FAAH2: variants seen among roughly 807,000 people sequenced by gnomAD.
FAAH2 encodes the protein fatty acid amide hydrolase 2, also known as fatty-acid amide hydrolase 2.
Under a neutral mutation model 36.9 loss-of-function variants are expected in FAAH2, and 60 were observed. The observed-to-expected ratio is 1.63, with a 90% confidence interval of 1.32 to 2.02. The LOEUF is 2.02. Ranked by LOEUF, FAAH2 falls within the 30% of genes most tolerant of loss-of-function variation. FAAH2 has a pLI of 0.00. For missense variants in FAAH2, 689 were observed against 397.5 expected (o/e 1.73, Z -6.23); for synonymous variants, 214 against 143.8 (o/e 1.49, Z -3.49).
At chrX:57,258,707 G>T in the FAAH2 span, among the ~76,000 whole-genome samples, 4 of 86,214 alleles carry the variant, frequency 4.6e-5, no homozygotes, top group African/African-American at 1.7e-4. Flanking sequence ...TTTTTTTGTT[G>T]CCTTTTTTTT....
chrX:57,224,590 C>T, the FAAH2 span, among the ~76,000 whole-genome samples: 1 of 111,745 alleles, frequency 8.9e-6, no homozygotes, highest in East Asian at 2.8e-4. Context: ...TGAAAAGGGC[C>T]GGCCAGAAGA....
chrX:57,255,223 C>A, the FAAH2 span, among the ~76,000 whole-genome samples: 26 of 111,344 alleles, frequency 2.3e-4, no homozygotes, highest in African/African-American at 8.2e-4. Context: ...AAGACTAAAC[C>A]AGGAAAAAGT....
chrX:57,323,383 G>A lies in FAAH2; in HGVS notation c.413-8215G>A, dbSNP rs184873440. Among the ~76,000 whole-genome samples the A allele has an allele frequency of 6.7e-3, 742 of 111,522 alleles. 6 individuals carry two copies. The highest frequency in any genetic ancestry group is 0.014 in the Middle Eastern group (3 of 218). On this transcript the variant is annotated intron_variant, in intron 3 of 10. Coordinates refer to ENST00000374900, the MANE Select transcript of FAAH2 (RefSeq NM_174912.4). ...ATGGCTGGGTCAAATGGTATTTCTA[G>A]TTCTAGATCCCTGAGGAATCACCAC...
chrX:57,328,342 A>G (rs907827055), intron 3 of FAAH2, among the ~76,000 whole-genome samples: 6 of 111,754 alleles, frequency 5.4e-5, no homozygotes, highest in African/African-American at 2.0e-4. Context: ...GCGTGCTGGG[A>G]GAACCACTAT....
chrX:57,422,023 G>T (rs936668953), intron 7 of FAAH2, among the ~76,000 whole-genome samples: 3 of 111,420 alleles, frequency 2.7e-5, no homozygotes, highest in African/African-American at 9.8e-5. Context: ...ATATTGTATT[G>T]CTTGCTTTGT....
chrX:57,144,904 G>A, the FAAH2 span, among the ~76,000 whole-genome samples: 1 of 92,285 alleles, frequency 1.1e-5, no homozygotes, highest in African/African-American at 4.9e-5. Context: ...ATATATGTAT[G>A]TATATGTATG....
intron 3 of FAAH2, among the ~76,000 whole-genome samples, chrX:57,315,585 G>T (rs749634267): frequency 1.9e-4 from 21 of 111,611 alleles, no homozygotes; most frequent in African/African-American, 6.5e-4. Context: ...ATTATTCCTG[G>T]GATGCAAGAT....
chrX:57,138,692 A>T, the FAAH2 span, among the ~76,000 whole-genome samples: 1 of 111,503 alleles, frequency 9.0e-6, no homozygotes, highest in Admixed American at 9.6e-5. Flanking sequence ...ATTTACAAGG[A>T]TACCTCTTTC....
the FAAH2 span, among the ~76,000 whole-genome samples, chrX:57,132,268 A>G: frequency 8.9e-6 from 1 of 112,091 alleles, no homozygotes; most frequent in East Asian, 2.8e-4. Context: ...ATAACATATC[A>G]GTGGTTTCCG....
At chrX:57,202,846 C>T in the FAAH2 span, among the ~76,000 whole-genome samples, 1 of 111,804 alleles carries the variant, frequency 8.9e-6, no homozygotes, top group Non-Finnish European at 1.9e-5. Flanking sequence ...GGCACTCAAA[C>T]CAGAAGACAC....
intron 7 of FAAH2, among the ~76,000 whole-genome samples, chrX:57,427,880 C>T (rs1440329574): frequency 1.8e-5 from 2 of 111,288 alleles, no homozygotes; most frequent in African/African-American, 6.5e-5. Flanking sequence ...TCCTTTTCAA[C>T]GTAATACTGG....
the FAAH2 span, among the ~76,000 whole-genome samples, chrX:57,153,048 G>A: frequency 3.6e-5 from 4 of 111,785 alleles, no homozygotes; most frequent in Admixed American, 1.9e-4. Flanking sequence ...GGAAGATCCA[G>A]TGTTAGGTGC....
the FAAH2 span, among the ~76,000 whole-genome samples, chrX:57,243,078 C>T: frequency 9.0e-6 from 1 of 111,207 alleles, no homozygotes; most frequent in Non-Finnish European, 1.9e-5. Flanking sequence ...GAGGGGTGTC[C>T]ACTATTACTA....
chrX:57,227,741 C>G, the FAAH2 span, among the ~76,000 whole-genome samples: 1 of 111,572 alleles, frequency 9.0e-6, no homozygotes, highest in Admixed American at 9.4e-5. Context: ...CTCCTGCCAC[C>G]AGGGTGGGTA....
chrX:57,296,142 G>A (rs1022559179), intron 2 of FAAH2, among the ~76,000 whole-genome samples: 3 of 112,306 alleles, frequency 2.7e-5, no homozygotes, highest in African/African-American at 6.5e-5. Context: ...CTGAGAACAG[G>A]CAGACTGCCT....
intron 1 of FAAH2, among the ~76,000 whole-genome samples, chrX:57,290,856 A>G: frequency 8.9e-6 from 1 of 111,877 alleles, no homozygotes; most frequent in Admixed American, 9.5e-5. Flanking sequence ...GAATTTCCTG[A>G]TAATTTGCCA....
At chrX:57,160,117 G>A in the FAAH2 span, among the ~76,000 whole-genome samples, 1 of 111,485 alleles carries the variant, frequency 9.0e-6, no homozygotes, top group African/African-American at 3.3e-5. Context: ...TGTCGTTGGT[G>A]CTGTTTATAT....
intron 3 of FAAH2, among the ~76,000 whole-genome samples, chrX:57,323,843 G>A (rs1262169104): frequency 8.1e-5 from 9 of 110,660 alleles, no homozygotes; most frequent in Admixed American, 7.7e-4. Context: ...TCTTTAGTTT[G>A]ATTAGATCCC....
chrX:57,479,426 C>G (rs1486876895), intron 10 of FAAH2, among the ~76,000 whole-genome samples: 1 of 111,511 alleles, frequency 9.0e-6, no homozygotes, highest in Non-Finnish European at 1.9e-5. Flanking sequence ...ACAATCATGT[C>G]ATCTGCAAAC....
Sources: gnomAD v4.1 joint callset for allele counts (sites outside exome capture counted in the v4.1 genomes callset) on GRCh38, gnomAD v4.1.1 for gene constraint, MANE v1.5 for transcripts, NCBI Gene and HGNC (gene_info 2026-07-23, HGNC 2026-07-21) for gene names.